SRBD1: variants seen among roughly 807,000 people sequenced by gnomAD.
SRBD1 encodes the protein S1 RNA-binding domain-containing protein 1.
In SRBD1, 88 loss-of-function variants were observed where a neutral mutation model predicts 115.3. The observed-to-expected ratio is 0.76, with a 90% CI of 0.64 to 0.91. SRBD1 has a LOEUF of 0.91. Among genes scored for constraint, SRBD1 ranks in the 40% least tolerant of loss-of-function variants. SRBD1 has a pLI of 0.00. For synonymous variants in SRBD1, 509 were observed against 407.7 expected, an observed-to-expected ratio of 1.25 and a Z score of -2.99; for missense variants, 1,385 against 1,177.4, an observed-to-expected ratio of 1.18 and a Z score of -2.58.
rs773976821 is a variant in SRBD1 at position 45,599,492 on chromosome 2, T to C, written c.605A>G (p.Asn202Ser). ...GQPVKFPANA[N>S]STKEEVEMNW... ...CATTTCCACCTCCTCTTTAGTACTATTGGCATTTGCTGGAAACTTGACAGG... is the reference window on the plus strand; with the variant it reads ...CATTTCCACCTCCTCTTTAGTACTACTGGCATTTGCTGGAAACTTGACAGG... The change falls in exon 4 of 21, where the codon AAT (asparagine) becomes AGT (serine). Residue 202 changes from asparagine (N) to serine (S), a missense_variant. Coordinates refer to ENST00000263736, the MANE Select transcript of SRBD1 (RefSeq NM_018079.5). 1.2e-5 allele frequency: 20 copies of C among 1,614,224 alleles called. 1 individual carries two copies. Among genetic ancestry groups the C allele is most frequent in the South Asian group, 5.5e-5 (5 of 91,080 alleles).
intron 16 of SRBD1, among the ~76,000 whole-genome samples, chr2:45,467,257 G>A (rs538081075): frequency 1.0e-3 from 159 of 152,326 alleles, no homozygotes; most frequent in Non-Finnish European, 2.1e-3. Context: ...GAAGCTTGTT[G>A]GCATGTGGGG....
chr2:45,457,524 T>C (rs1282215177), intron 16 of SRBD1, among the ~76,000 whole-genome samples: 1 of 151,992 alleles, frequency 6.6e-6, no homozygotes, highest in Non-Finnish European at 1.5e-5. Flanking sequence ...AAGTAATCTT[T>C]TTATTTCAAA....
rs1004410335 is a variant in SRBD1, at chr2:45,473,659, T to A, written c.2049+3334A>T. Among the ~76,000 whole-genome samples the A allele has an allele frequency of 2.6e-5, 4 of 152,346 alleles. No homozygotes were observed. In the East Asian group the frequency reaches 7.7e-4, roughly 29 times the overall value. On this transcript the variant is annotated intron_variant, in intron 16 of 20. Transcript: ENST00000263736. Reference sequence around the variant, plus strand: ...TCTATCTTCTATCATTTATTTTTTATCAATAATAGGACTGTTGTCAATCTC... The same window carrying A: ...TCTATCTTCTATCATTTATTTTTTAACAATAATAGGACTGTTGTCAATCTC...
At chr2:45,601,194 G>A (rs1454073672) in intron 3 of SRBD1, among the ~76,000 whole-genome samples, 1 of 152,126 alleles carries the variant, frequency 6.6e-6, no homozygotes, top group Non-Finnish European at 1.5e-5. Flanking sequence ...AGACCACAGT[G>A]GACATTCAAT....
chr2:45,580,067 A>T (rs938515642), intron 6 of SRBD1, 54 bp from the exon 7 acceptor site: 1 of 1,402,950 alleles, frequency 7.1e-7, no homozygotes, highest in Non-Finnish European at 9.4e-7. Flanking sequence ...ACAAAAGTTA[A>T]AACTAGGTTA....
intron 14 of SRBD1, among the ~76,000 whole-genome samples, chr2:45,523,256 C>G (rs1458358827): frequency 6.7e-6 from 1 of 148,434 alleles, no homozygotes; most frequent in Non-Finnish European, 1.5e-5. Flanking sequence ...AATAACCCAA[C>G]CTTCCACCCA....
chr2:45,448,492 T>C (rs1339863298), intron 16 of SRBD1, among the ~76,000 whole-genome samples: 1 of 152,104 alleles, frequency 6.6e-6, no homozygotes, highest in African/African-American at 2.4e-5. Context: ...GCTGGAAAAA[T>C]GCAACATTTG....
chr2:45,568,972 CACAAAAGT>C (rs1672922038), intron 9 of SRBD1, among the ~76,000 whole-genome samples: 5 of 152,082 alleles, frequency 3.3e-5, no homozygotes, highest in African/African-American at 1.2e-4. Context: ...ATATAGTGTA[CACAAAAGT>C]AAAATTGACA....
chr2:45,443,482 A>C (rs1668731161), intron 16 of SRBD1, among the ~76,000 whole-genome samples: 1 of 152,124 alleles, frequency 6.6e-6, no homozygotes, highest in South Asian at 2.1e-4. Context: ...GAGGGACGTC[A>C]ACAGTTTTTT....
rs540635103 is a variant in SRBD1 at position 45,586,167 on chromosome 2, T to C, written c.649-393A>G. Among the ~76,000 whole-genome samples, 7 of 152,330 alleles carry C rather than the reference T, an allele frequency of 4.6e-5. No homozygotes were observed. In the East Asian group the frequency reaches 1.2e-3, roughly 25 times the overall value. On this transcript the variant is annotated intron_variant, in intron 4 of 20. Transcript: ENST00000263736. ...CTAGTGAGCAATTTGGCAATATCTA[T>C]GAAAATTTACAATGCATAAACAAAC...
At position 45,547,543 on chromosome 2, in the gene SRBD1, T is replaced by G; in HGVS notation, c.1745A>C (p.Lys582Thr). ...ATACTTGAAATTCAGCAAAAGTGTCTTTATTTTCTCCGCCTCTCGGAAGCC... is the reference window on the plus strand; with the variant it reads ...ATACTTGAAATTCAGCAAAAGTGTCGTTATTTTCTCCGCCTCTCGGAAGCC... ...GQGFREAEKI[K>T]TLLLNFNCST... The change falls in exon 13 of 21, where the codon AAG (lysine) becomes ACG (threonine). Residue 582 changes from lysine (K) to threonine (T), a missense_variant. Coordinates refer to ENST00000263736, the MANE Select transcript of SRBD1 (RefSeq NM_018079.5). 1 of 1,613,834 alleles carries G rather than the reference T, an allele frequency of 6.2e-7. No homozygotes were observed. The highest frequency in any genetic ancestry group is 8.5e-7 in the Non-Finnish European group (1 of 1,179,774).
chr2:45,583,002 G>A (rs1166473584), intron 5 of SRBD1, among the ~76,000 whole-genome samples: 2 of 151,980 alleles, frequency 1.3e-5, no homozygotes. Flanking sequence ...AGGAAGGGTG[G>A]GCACAGTAGT....
In SRBD1 at chr2:45,470,250, T is replaced by C. The variant is rs976529821; in HGVS notation, c.2049+6743A>G. 9.9e-5 allele frequency among the ~76,000 whole-genome samples: 15 copies of C among 152,188 alleles called. 1 individual carries two copies. In the South Asian group the frequency reaches 1.0e-3, roughly 10 times the overall value. On this transcript the variant is annotated intron_variant, in intron 16 of 20. Coordinates refer to ENST00000263736, the MANE Select transcript of SRBD1 (RefSeq NM_018079.5). The stretch of plus-strand genomic sequence containing the variant: ...TTTATTTTTTTGATTTGTTTTTACA[T>C]AGAATTGATTCCACAGAGCAGGAAT...
In SRBD1 at chr2:45,418,510, T is replaced by C; in HGVS notation, c.2188A>G (p.Lys730Glu). 1 of 1,613,646 alleles carries C rather than the reference T, an allele frequency of 6.2e-7. No homozygotes were observed. Among genetic ancestry groups the C allele is most frequent in the East Asian group, 2.2e-5 (1 of 44,850 alleles). The change falls in exon 18 of 21, where the codon AAA (lysine) becomes GAA (glutamate). Residue 730 changes from lysine (K) to glutamate (E), a missense_variant. By Grantham distance (56) the Lys-to-Glu change is moderately conservative. Transcript: ENST00000263736. ...HIAGLNANRAKNIIEWREKNG... is the reference protein window; with the variant it reads ...HIAGLNANRAENIIEWREKNG... ...TTCTCTCGCCATTCAATAATATTTT[T>C]GGCCCTGTTGGCATTGAGTCCTGCA... is the stretch of plus-strand genomic sequence containing the variant.
At chr2:45,543,626 G>A (rs1416186614) in intron 14 of SRBD1, among the ~76,000 whole-genome samples, 2 of 147,544 alleles carry the variant, frequency 1.4e-5, no homozygotes, top group Non-Finnish European at 3.0e-5. Context: ...AGAAAACATG[G>A]TTTTCTCAAA....
intron 16 of SRBD1, among the ~76,000 whole-genome samples, chr2:45,431,061 G>C (rs957338119): frequency 6.6e-6 from 1 of 152,198 alleles, no homozygotes; most frequent in African/African-American, 2.4e-5. Context: ...CTGGTCATTA[G>C]AGAAACACAA....
chr2:45,600,958 A>G (rs1674073325), intron 3 of SRBD1, among the ~76,000 whole-genome samples: 1 of 152,208 alleles, frequency 6.6e-6, no homozygotes, highest in South Asian at 2.1e-4. Flanking sequence ...CTTGAAAATA[A>G]TGAACATTAG....
intron 14 of SRBD1, among the ~76,000 whole-genome samples, chr2:45,489,224 A>G (rs1397751311): frequency 1.3e-5 from 2 of 152,192 alleles, no homozygotes; most frequent in Non-Finnish European, 2.9e-5. Context: ...CCATGTGACC[A>G]TGTAGGTGTC....
intron 14 of SRBD1, among the ~76,000 whole-genome samples, chr2:45,534,477 T>C (rs139873371): frequency 1.4e-3 from 218 of 152,006 alleles, no homozygotes; most frequent in African/African-American, 5.0e-3. Context: ...GCCATCACTG[T>C]AGAAAGAAAT....
Sources: gnomAD v4.1 joint callset for allele counts (sites outside exome capture counted in the v4.1 genomes callset) on GRCh38, gnomAD v4.1.1 for gene constraint, MANE v1.5 for transcripts, NCBI Gene and HGNC (gene_info 2026-07-23, HGNC 2026-07-21) for gene names.